The following PTPRD variants were observed in gnomAD, a reference collection of about 807,000 sequenced individuals.
PTPRD encodes the protein receptor-type tyrosine-protein phosphatase delta.
In PTPRD, 34 loss-of-function variants were observed where a neutral mutation model predicts 214.5. That is an observed-to-expected ratio of 0.16 (90% confidence interval 0.12 to 0.21). The LOEUF (loss-of-function observed/expected upper bound fraction) is 0.21. Ranked by LOEUF, PTPRD falls within the 10% of genes least tolerant of loss-of-function variation. The probability of loss-of-function intolerance (pLI) is 1.00; values close to 1 mark genes in which losing one functional copy is unlikely to be tolerated. For missense variants in PTPRD, 2,545 were observed against 2,398.7 expected, an observed-to-expected ratio of 1.06 and a Z score of -1.27; for synonymous variants, 1,128 against 845.7, an observed-to-expected ratio of 1.33 and a Z score of -5.79.
chr9:8,804,252 C>T (rs963117859), intron 11 of PTPRD, among the ~76,000 whole-genome samples: 3 of 152,006 alleles, frequency 2.0e-5, no homozygotes, highest in African/African-American at 4.8e-5. Flanking sequence ...TGTGCCCAGC[C>T]CCTCATTTCT....
intron 9 of PTPRD, among the ~76,000 whole-genome samples, chr9:9,190,173 A>G (rs1247284737): frequency 6.6e-6 from 1 of 152,050 alleles, no homozygotes; most frequent in Middle Eastern, 3.2e-3. Flanking sequence ...CTCTGTTCTC[A>G]TTGGTAGATT....
chr9:8,484,869 CAACA>C (rs1401889437), intron 29 of PTPRD, among the ~76,000 whole-genome samples: 13 of 151,922 alleles, frequency 8.6e-5, no homozygotes, highest in Non-Finnish European at 1.8e-4. Context: ...GAATACAGGC[CAACA>C]AACAAATTCA....
In PTPRD at chr9:8,392,399, G is replaced by A. The variant is rs536160333; in HGVS notation, c.4211-2992C>T. On this transcript the variant is annotated intron_variant, in intron 36 of 45. Coordinates refer to ENST00000381196, the MANE Select transcript of PTPRD (RefSeq NM_002839.4). ...AACTTGGCTGGATATGGTCATGCAC[G>A]CCTGTAGTCCCAGCTACCTGGGAGC... Among the ~76,000 whole-genome samples the A allele has an allele frequency of 2.9e-4, 44 of 152,076 alleles. 1 individual carries two copies. Among genetic ancestry groups the A allele is most frequent in the Admixed American group, 2.6e-3 (40 of 15,256 alleles).
At chr9:10,195,365 C>T (rs1285363763) in intron 3 of PTPRD, among the ~76,000 whole-genome samples, 1 of 151,838 alleles carries the variant, frequency 6.6e-6, no homozygotes, top group African/African-American at 2.4e-5. Flanking sequence ...TGTTAGAGAC[C>T]CCAATTTTAG....
At chr9:9,956,957 A>T (rs1309752910) in intron 4 of PTPRD, among the ~76,000 whole-genome samples, 1 of 152,200 alleles carries the variant, frequency 6.6e-6, no homozygotes, top group Non-Finnish European at 1.5e-5. Flanking sequence ...TAGCAAAAAA[A>T]ATCAGTGCCC....
intron 2 of PTPRD, among the ~76,000 whole-genome samples, chr9:10,385,964 T>C (rs12379230): frequency 0.089 from 13,517 of 151,930 alleles, 646 homozygotes; most frequent in Non-Finnish European, 0.12. Context: ...AAACAGCATC[T>C]TTTGAACAAT....
chr9:8,840,181 A>C (rs1355283246), intron 11 of PTPRD, among the ~76,000 whole-genome samples: 1 of 152,162 alleles, frequency 6.6e-6, no homozygotes, highest in Non-Finnish European at 1.5e-5. Flanking sequence ...CTTTGGTTTA[A>C]ATTTGATATG....
At chr9:8,969,439 TG>T (rs1385859409) in intron 11 of PTPRD, among the ~76,000 whole-genome samples, 1 of 152,080 alleles carries the variant, frequency 6.6e-6, no homozygotes, top group Non-Finnish European at 1.5e-5. Context: ...ATTAGTACAT[TG>T]TTTGTGTTAT....
chr9:10,353,912 G>A (rs1282231600), intron 2 of PTPRD, among the ~76,000 whole-genome samples: 3 of 151,488 alleles, frequency 2.0e-5, no homozygotes, highest in East Asian at 3.9e-4. Flanking sequence ...AATCTCCAAA[G>A]GAATTCACCC....
intron 5 of PTPRD, among the ~76,000 whole-genome samples, chr9:9,874,206 G>C (rs1035289912): frequency 6.6e-6 from 1 of 152,158 alleles, no homozygotes; most frequent in South Asian, 2.1e-4. Context: ...GGGCTGTGGA[G>C]TGAGACAGGA....
At chr9:8,324,585 G>C (rs182875528) in intron 44 of PTPRD, among the ~76,000 whole-genome samples, 1 of 152,262 alleles carries the variant, frequency 6.6e-6, no homozygotes, top group Admixed American at 6.5e-5. Context: ...CTTTGTAGTA[G>C]AATGATTTAC....
At chr9:9,794,779 G>A (rs2098991595) in intron 5 of PTPRD, among the ~76,000 whole-genome samples, 1 of 152,186 alleles carries the variant, frequency 6.6e-6, no homozygotes, top group African/African-American at 2.4e-5. Flanking sequence ...CTCAAACTGA[G>A]TATCTCTCTA....
intron 3 of PTPRD, among the ~76,000 whole-genome samples, chr9:10,065,179 GA>G (rs2097854187): frequency 4.0e-5 from 6 of 151,486 alleles, no homozygotes; most frequent in South Asian, 2.1e-4. Context: ...AAGAAAGAAA[GA>G]AAGAAAGAAA....
chr9:9,256,334 C>G (rs2099977684), intron 9 of PTPRD, among the ~76,000 whole-genome samples: 2 of 152,010 alleles, frequency 1.3e-5, no homozygotes, highest in Admixed American at 1.3e-4. Context: ...ATCTTTCCTT[C>G]ACATTTCTTT....
At chr9:8,569,809 A>G (rs996566157) in intron 14 of PTPRD, among the ~76,000 whole-genome samples, 1 of 152,096 alleles carries the variant, frequency 6.6e-6, no homozygotes, top group Non-Finnish European at 1.5e-5. Flanking sequence ...AAACCATACT[A>G]ATTAGAAACT....
intron 2 of PTPRD, among the ~76,000 whole-genome samples, chr9:10,415,916 G>A (rs1384642674): frequency 6.6e-6 from 1 of 151,808 alleles, no homozygotes; most frequent in East Asian, 2.0e-4. Flanking sequence ...TCCAGAGAGA[G>A]AACATTTACA....
intron 2 of PTPRD, among the ~76,000 whole-genome samples, chr9:10,609,644 T>C (rs1261622821): frequency 6.6e-6 from 1 of 152,152 alleles, no homozygotes; most frequent in Non-Finnish European, 1.5e-5. Context: ...GATTCCTGCA[T>C]CCTACTAGTA....
At chr9:8,389,159 C>G (rs1310820346) in intron 37 of PTPRD, 73 bp downstream of exon 37, 38 of 1,337,424 alleles carry the variant, frequency 2.8e-5, no homozygotes, top group Non-Finnish European at 3.7e-5. Context: ...AGATTCTGAA[C>G]AGAATAAAAT....
intron 8 of PTPRD, among the ~76,000 whole-genome samples, chr9:9,519,373 A>C (rs942107613): frequency 6.8e-6 from 1 of 146,154 alleles, no homozygotes; most frequent in African/African-American, 2.5e-5. Flanking sequence ...AACAAAAAAA[A>C]CCAGAGAGAG....
Sources: allele counts gnomAD v4.1 joint callset (sites outside exome capture counted in the v4.1 genomes callset), GRCh38; gene constraint gnomAD v4.1.1; transcripts MANE v1.5; gene names NCBI Gene and HGNC (gene_info 2026-07-23, HGNC 2026-07-21).